Variants in TNPO3 observed in about 807,000 individuals in gnomAD.
TNPO3 encodes the protein transportin 3.
Under a neutral mutation model 122.8 loss-of-function variants are expected in TNPO3, and 65 were observed. The ratio of observed to expected loss-of-function variants is 0.53; its 90% CI spans 0.43 to 0.65. The LOEUF is 0.65. Ranked by LOEUF, TNPO3 falls within the 30% of genes least tolerant of loss-of-function variation. TNPO3 has a pLI of 0.00. For missense variants in TNPO3, 850 were observed against 1,136.7 expected, an observed-to-expected ratio of 0.75 and a Z score of 3.63; for synonymous variants, 372 against 411.2, an observed-to-expected ratio of 0.90 and a Z score of 1.15.
intron 8 of TNPO3, 81 bp downstream of exon 8, chr7:128,997,308 T>G: frequency 1.3e-6 from 2 of 1,520,292 alleles, no homozygotes; most frequent in Non-Finnish European, 1.8e-6. Flanking sequence ...AGGTTTATTA[T>G]CTATCTTCTC....
rs561294176 is a variant in TNPO3 at position 129,015,218 on chromosome 7, A to G, written c.396-83T>C. On this transcript the variant is annotated intron_variant, in intron 3 of 22. Coordinates refer to ENST00000265388, the MANE Select transcript of TNPO3 (RefSeq NM_012470.4). The stretch of plus-strand genomic sequence containing the variant: ...AAGATAACAGCCATCAGAGTAACTC[A>G]CAACAACAAAAGCAACATTCCCACC... The G allele has an allele frequency of 9.7e-6, 14 of 1,437,296 alleles. No individual in the cohort carries two copies. In the African/African-American group the frequency reaches 1.9e-4, roughly 19 times the overall value. 89.0% of individuals were successfully genotyped at this position (1,437,296 alleles called of 1,614,324 possible).
chr7:128,985,028 C>A (rs1297839634), intron 12 of TNPO3, among the ~76,000 whole-genome samples: 1 of 152,188 alleles, frequency 6.6e-6, no homozygotes, highest in Non-Finnish European at 1.5e-5. Context: ...TGCTGAAACA[C>A]CTTCCCCAAA....
At chr7:128,956,025 A>G (rs947855981) in intron 22 of TNPO3, among the ~76,000 whole-genome samples, 1 of 152,224 alleles carries the variant, frequency 6.6e-6, no homozygotes, top group Admixed American at 6.5e-5. Context: ...TAAAACACTT[A>G]AAACAGTGCC....
At chr7:128,990,131 C>T (rs868643313) in intron 10 of TNPO3, 31 bp from the exon 11 acceptor site, 8 of 1,614,030 alleles carry the variant, frequency 5.0e-6, no homozygotes, top group Non-Finnish European at 6.8e-6. Context: ...CTCACAGTTA[C>T]TGATTTCAGA....
intron 1 of TNPO3, among the ~76,000 whole-genome samples, chr7:129,049,129 G>C (rs1207466846): frequency 6.6e-6 from 1 of 152,208 alleles, no homozygotes; most frequent in East Asian, 1.9e-4. Context: ...TGCATTTGAA[G>C]AAAGGGTTGG....
At chr7:129,035,956 T>C (rs1190736049) in intron 1 of TNPO3, among the ~76,000 whole-genome samples, 61 of 145,744 alleles carry the variant, frequency 4.2e-4, no homozygotes, top group African/African-American at 9.0e-4. Flanking sequence ...TTTTCTTTTT[T>C]TTTTTTTTTT....
chr7:129,031,738 A>G (rs1805972066), intron 1 of TNPO3, among the ~76,000 whole-genome samples: 1 of 152,242 alleles, frequency 6.6e-6, no homozygotes, highest in Admixed American at 6.5e-5. Flanking sequence ...AGAAACAAGA[A>G]AAGAAAATTA....
At chr7:128,989,849 A>C (rs1446321709) in intron 11 of TNPO3, 112 bp downstream of exon 11, 2 of 1,234,864 alleles carry the variant, frequency 1.6e-6, no homozygotes, top group African/African-American at 1.5e-5. Flanking sequence ...AGTTTCTATA[A>C]ACACTCCGTG....
At chr7:129,040,311 TA>T in intron 1 of TNPO3, among the ~76,000 whole-genome samples, 1 of 152,014 alleles carries the variant, frequency 6.6e-6, no homozygotes, top group Non-Finnish European at 1.5e-5. Flanking sequence ...ATCTCTATAT[TA>T]AAAACCATTA....
At chr7:129,034,558 A>G (rs754701039) in intron 1 of TNPO3, among the ~76,000 whole-genome samples, 1 of 152,018 alleles carries the variant, frequency 6.6e-6, no homozygotes, top group African/African-American at 2.4e-5. Flanking sequence ...AATCTGCTCA[A>G]TTACTTTTTG....
chr7:129,001,301 T>C (rs774532687), intron 5 of TNPO3, 67 bp from the exon 6 acceptor site: 253 of 1,395,894 alleles, frequency 1.8e-4, no homozygotes, highest in Non-Finnish European at 2.4e-4. Flanking sequence ...CAGTTGGCCC[T>C]GCACACCCTA....
chr7:128,971,893 A>T (rs895848031), intron 19 of TNPO3, among the ~76,000 whole-genome samples: 5 of 152,042 alleles, frequency 3.3e-5, no homozygotes, highest in African/African-American at 1.2e-4. Flanking sequence ...GACTTTTATC[A>T]CTCATCTGAC....
chr7:129,014,152 G>C (rs3896309), intron 4 of TNPO3, among the ~76,000 whole-genome samples: 74,207 of 152,066 alleles, frequency 0.49, 18,325 homozygotes, highest in African/African-American at 0.5. Flanking sequence ...AAATGATAAA[G>C]GTTTGAGGTG....
rs183747018 is a variant in TNPO3, at chr7:128,962,138, G to A, written c.2712-4823C>T. On this transcript the variant is annotated intron_variant, in intron 21 of 22. Coordinates refer to ENST00000265388, the MANE Select transcript of TNPO3 (RefSeq NM_012470.4). ...CCCAGCACTTTGGGAGGCCGAGGCG[G>A]ATGGATCATGAGGTCAGGAGATCGA... is the stretch of plus-strand genomic sequence containing the variant. Among the ~76,000 whole-genome samples the A allele has an allele frequency of 1.9e-3, 296 of 152,154 alleles. 3 individuals carry two copies. The highest frequency in any genetic ancestry group is 6.6e-3 in the African/African-American group (273 of 41,506).
intron 14 of TNPO3, among the ~76,000 whole-genome samples, chr7:128,980,699 A>AAAAC (rs751978156): frequency 6.6e-6 from 1 of 152,194 alleles, no homozygotes; most frequent in Admixed American, 6.5e-5. Flanking sequence ...CTCCATCTCA[A>AAAAC]AAACAAACAA....
chr7:129,013,359 T>TA (rs1803438471), intron 4 of TNPO3, among the ~76,000 whole-genome samples: 1 of 148,842 alleles, frequency 6.7e-6, no homozygotes, highest in Non-Finnish European at 1.5e-5. Context: ...ACCTACAGAA[T>TA]GGGAGGAAAT....
chr7:128,970,274 C>T lies in TNPO3; in HGVS notation c.2472G>A (p.Gln824=). Residue 824 remains glutamine, a synonymous_variant, in exon 20 of 23, where the codon CAG becomes CAA. Coordinates refer to ENST00000265388, the MANE Select transcript of TNPO3 (RefSeq NM_012470.4). ...GCTGCTGTCCAAGCTGGTTCATCAC[C>T]TGTCCAATCAGTTCTTTCCGTAATT... ...DFELRKELIG[Q]VMNQLGQQLV... is the part of the protein sequence containing the mutation. 1 of 1,612,470 alleles carries T rather than the reference C, an allele frequency of 6.2e-7. No homozygotes were observed. Among genetic ancestry groups the T allele is most frequent in the Non-Finnish European group, 8.5e-7 (1 of 1,179,264 alleles).
chr7:128,967,729 T>C (rs1798061371), intron 20 of TNPO3, among the ~76,000 whole-genome samples: 1 of 151,376 alleles, frequency 6.6e-6, no homozygotes, highest in Admixed American at 6.6e-5. Context: ...TATGCACACA[T>C]GCGAACATGA....
intron 4 of TNPO3, among the ~76,000 whole-genome samples, chr7:129,005,744 T>C (rs1487226704): frequency 1.3e-5 from 2 of 151,992 alleles, no homozygotes; most frequent in African/African-American, 4.8e-5. Flanking sequence ...ACCTCTTTTC[T>C]TTATAAATTA....
Sources: gnomAD v4.1 joint callset for allele counts (sites outside exome capture counted in the v4.1 genomes callset) on GRCh38, gnomAD v4.1.1 for gene constraint, MANE v1.5 for transcripts, NCBI Gene and HGNC (gene_info 2026-07-23, HGNC 2026-07-21) for gene names.